Variants in KCNH5 observed in about 807,000 individuals in gnomAD.
The protein encoded by KCNH5 is potassium voltage-gated channel subfamily H member 5, also known as voltage-gated delayed rectifier potassium channel KCNH5.
Under a neutral mutation model 96.1 loss-of-function variants are expected in KCNH5, and 46 were observed. The ratio of observed to expected loss-of-function variants is 0.48; its 90% CI spans 0.38 to 0.61. KCNH5 has a LOEUF of 0.61. KCNH5 is among the 20% of genes least tolerant of loss of function. The probability of loss-of-function intolerance (pLI) is 0.00; values close to 1 mark genes in which losing one functional copy is unlikely to be tolerated. For synonymous variants in KCNH5, 439 were observed against 449.8 expected (o/e 0.98, Z 0.30); for missense variants, 907 against 1,225.8 (o/e 0.74, Z 3.88).
chr14:62,962,148 G>A lies in KCNH5; in HGVS notation c.943-11589C>T, dbSNP rs73276499. 2.2e-3 allele frequency among the ~76,000 whole-genome samples: 336 copies of A among 152,272 alleles called. 1 individual carries two copies. The highest frequency in any genetic ancestry group is 7.8e-3 in the African/African-American group (326 of 41,560). ...TGGAGATGAAGATGGAGATGGAGATGAGAAGGCACCCAGCCATCCTGAATC... is the reference window on the plus strand; with the variant it reads ...TGGAGATGAAGATGGAGATGGAGATAAGAAGGCACCCAGCCATCCTGAATC... On this transcript the variant is annotated intron_variant, in intron 6 of 10. Transcript: ENST00000322893.
intron 1 of KCNH5, among the ~76,000 whole-genome samples, chr14:63,020,274 T>TTTGTTA (rs1891400692): frequency 6.6e-6 from 1 of 152,148 alleles, no homozygotes; most frequent in Non-Finnish European, 1.5e-5. Flanking sequence ...GTTAAATATG[T>TTTGTTA]ATCTATGACC....
intron 8 of KCNH5, among the ~76,000 whole-genome samples, chr14:62,823,905 A>C (rs1198800056): frequency 6.6e-6 from 1 of 152,076 alleles, no homozygotes; most frequent in Non-Finnish European, 1.5e-5. Context: ...TGTTATTTAA[A>C]AACAATAGAA....
rs775227561 is a variant in KCNH5, at chr14:63,003,624, ATT to A, written c.305-2167_305-2166del. ...TATTTATATTTATATATATATATAT[ATT>A]TTTTTTTTTTTGAGACGGAGTCTCA... On this transcript the variant is annotated intron_variant, in intron 3 of 10. Transcript: ENST00000322893. Among the ~76,000 whole-genome samples, 337 of 92,810 alleles carry A rather than the reference ATT, an allele frequency of 3.6e-3. 5 individuals are homozygous for A. The East Asian group carries it at 0.061, about 17-fold the overall frequency. The allele number at this position is 92,810 out of a possible 152,430, so 60.9% of individuals were successfully genotyped here. A position where few individuals can be genotyped will look rare whatever the true frequency, so the allele number is the denominator to read the frequency against.
intron 7 of KCNH5, among the ~76,000 whole-genome samples, chr14:62,898,338 A>C (rs1192476031): frequency 1.3e-5 from 2 of 152,324 alleles, no homozygotes; most frequent in East Asian, 1.9e-4. Flanking sequence ...CACTGGAAGA[A>C]GGTAAAGACA....
At chr14:62,841,504 C>T (rs10146526) in intron 8 of KCNH5, among the ~76,000 whole-genome samples, 3 of 152,060 alleles carry the variant, frequency 2.0e-5, no homozygotes, top group Non-Finnish European at 2.9e-5. Context: ...CAAAGTCTAA[C>T]GTATATTTCT....
At chr14:62,910,778 T>G (rs1889133999) in intron 7 of KCNH5, among the ~76,000 whole-genome samples, 1 of 152,074 alleles carries the variant, frequency 6.6e-6, no homozygotes, top group Non-Finnish European at 1.5e-5. Context: ...TTTGCACCGG[T>G]GTTCCCTCTG....
intron 7 of KCNH5, among the ~76,000 whole-genome samples, chr14:62,933,827 G>A (rs1477470094): frequency 1.3e-5 from 2 of 152,232 alleles, no homozygotes; most frequent in Non-Finnish European, 2.9e-5. Flanking sequence ...TTAGCACACA[G>A]ATTAAATGAA....
intron 7 of KCNH5, among the ~76,000 whole-genome samples, chr14:62,882,608 G>A (rs1888516301): frequency 6.6e-6 from 1 of 152,184 alleles, no homozygotes; most frequent in African/African-American, 2.4e-5. Flanking sequence ...TGGAGAAATA[G>A]GGCCACCATG....
chr14:62,970,044 TAAAAAAAAAAAA>T (rs373852520), intron 6 of KCNH5, among the ~76,000 whole-genome samples: 1 of 30,406 alleles, frequency 3.3e-5, no homozygotes, highest in Non-Finnish European at 6.5e-5. Context: ...AGACTCCGTC[TAAAAAAAAAAAA>T]AAAAAAAAAA....
chr14:63,042,910 G>A (rs1231876090), intron 1 of KCNH5, among the ~76,000 whole-genome samples: 3 of 152,048 alleles, frequency 2.0e-5, no homozygotes, highest in Non-Finnish European at 4.4e-5. Context: ...ACAGTTCAGG[G>A]TCTTTGAGTA....
At chr14:63,022,888 C>T (rs1891455039) in intron 1 of KCNH5, among the ~76,000 whole-genome samples, 1 of 152,024 alleles carries the variant, frequency 6.6e-6, no homozygotes, top group African/African-American at 2.4e-5. Flanking sequence ...TGCAGTTTTA[C>T]ACCTATTTGT....
At chr14:62,885,621 C>A (rs1888580935) in intron 7 of KCNH5, among the ~76,000 whole-genome samples, 1 of 152,146 alleles carries the variant, frequency 6.6e-6, no homozygotes, top group Admixed American at 6.5e-5. Flanking sequence ...CTATGTGTCA[C>A]GCACTGTGTC....
chr14:62,871,905 G>A (rs1888263302), intron 7 of KCNH5, among the ~76,000 whole-genome samples: 1 of 152,158 alleles, frequency 6.6e-6, no homozygotes, highest in African/African-American at 2.4e-5. Flanking sequence ...CTGAGTCATT[G>A]TTTGTGTTCA....
At chr14:62,955,011 G>T (rs960387307) in intron 6 of KCNH5, among the ~76,000 whole-genome samples, 8 of 151,896 alleles carry the variant, frequency 5.3e-5, no homozygotes, top group Non-Finnish European at 1.0e-4. Context: ...AGATTTGGGT[G>T]GGGAAACAGC....
intron 1 of KCNH5, among the ~76,000 whole-genome samples, chr14:63,035,845 A>T (rs1217853565): frequency 6.6e-6 from 1 of 152,198 alleles, no homozygotes; most frequent in Non-Finnish European, 1.5e-5. Context: ...TACTGAGATG[A>T]TCCACTACAT....
Position 62,708,386 on chromosome 14 carries a change from T to C in KCNH5, c.2089A>G (p.Thr697Ala). 1 of 1,613,278 alleles carries C rather than the reference T, an allele frequency of 6.2e-7. No homozygotes were observed. The change falls in exon 11 of 11, where the codon ACC becomes GCC. Residue 697 changes from threonine to alanine, a missense_variant. Coordinates refer to ENST00000322893, the MANE Select transcript of KCNH5 (RefSeq NM_139318.5). ...GGGTGGTCCACGGGAATGCTGAGGG[T>C]CACCTCATTCTTCTGCCGGAGGCGC... ...EERLRQKNEV[T>A]LSIPVDHPVR...
intron 9 of KCNH5, among the ~76,000 whole-genome samples, 159 bp from the exon 10 acceptor site, chr14:62,780,083 T>C (rs112652441): frequency 3.9e-5 from 6 of 152,350 alleles, no homozygotes; most frequent in African/African-American, 1.4e-4. Context: ...AATGCTTTCA[T>C]ATAATATGTA....
In KCNH5 at chr14:62,950,389, T is replaced by G; in HGVS notation, c.1113A>C (p.Gly371=). Residue 371 remains glycine, a synonymous_variant, in exon 7 of 11, where the codon GGA becomes GGC. Transcript: ENST00000322893. ...HWLACIWYSI[G]DYEVIDEVTN... is the part of the protein sequence containing the mutation. ...TGACTTCATCAATGACCTCGTAGTCTCCGATGCTATACCATATGCAGGCCA... is the reference window on the plus strand; with the variant it reads ...TGACTTCATCAATGACCTCGTAGTCGCCGATGCTATACCATATGCAGGCCA... 1 of 1,613,968 alleles carries G rather than the reference T, an allele frequency of 6.2e-7. No homozygotes were observed. The highest frequency in any genetic ancestry group is 8.5e-7 in the Non-Finnish European group (1 of 1,179,980).
chr14:62,987,824 C>A (rs1053852940), intron 4 of KCNH5, among the ~76,000 whole-genome samples: 8 of 152,256 alleles, frequency 5.3e-5, no homozygotes, highest in Non-Finnish European at 1.0e-4. Flanking sequence ...TTTGTTACAG[C>A]AGCTAGTCTT....
Sources: gnomAD v4.1 joint callset for allele counts (sites outside exome capture counted in the v4.1 genomes callset) on GRCh38, gnomAD v4.1.1 for gene constraint, MANE v1.5 for transcripts, NCBI Gene and HGNC (gene_info 2026-07-23, HGNC 2026-07-21) for gene names.